Variants in MSL2 observed in about 807,000 individuals in gnomAD.
MSL2 encodes the protein MSL complex subunit 2, also known as E3 ubiquitin-protein ligase MSL2.
In MSL2, 2 loss-of-function variants were observed where a neutral mutation model predicts 35.8. The observed-to-expected ratio is 0.06, with a 90% CI of 0.02 to 0.18. MSL2 has a LOEUF of 0.18. Among genes scored for constraint, MSL2 ranks in the 10% least tolerant of loss-of-function variants. The pLI, the probability that MSL2 is intolerant of heterozygous loss-of-function variation, is 1.00. For synonymous variants in MSL2, 296 were observed against 255.7 expected, an observed-to-expected ratio of 1.16 and a Z score of -1.50; for missense variants, 523 against 706.7, an observed-to-expected ratio of 0.74 and a Z score of 2.95.
At chr3:136,167,635 T>C (rs545960168) in intron 1 of MSL2, among the ~76,000 whole-genome samples, 96 of 152,314 alleles carry the variant, frequency 6.3e-4, no homozygotes, top group South Asian at 1.9e-3. Flanking sequence ...ATGAATATCA[T>C]GAAATGCCAC....
intron 1 of MSL2, among the ~76,000 whole-genome samples, chr3:136,180,414 T>C (rs919308450): frequency 1.3e-5 from 2 of 152,094 alleles, no homozygotes; most frequent in African/African-American, 2.4e-5. Flanking sequence ...CCTGTTCAGA[T>C]ACAGGATGTT....
In MSL2 at chr3:136,195,516, C is replaced by T. The variant is rs1285240422; in HGVS notation, c.-403G>A. ...CGCCTCCTCAAGTCGAGCTGGCAGG[C>T]GCGGGAGCAGGCCCCGGCCCCGTCT... On this transcript the variant is annotated 5_prime_UTR_variant, in exon 1 of 2. Coordinates refer to ENST00000309993, the MANE Select transcript of MSL2 (RefSeq NM_018133.4). 4 of 1,010,504 alleles carry T rather than the reference C, an allele frequency of 4.0e-6. No homozygotes were observed. The African/African-American group carries it at 5.2e-5, about 13-fold the overall frequency. The allele number at this position is 1,010,504 out of a possible 1,614,324, so 62.6% of individuals were successfully genotyped here. A position where few individuals can be genotyped will look rare whatever the true frequency, so the allele number is the denominator to read the frequency against.
intron 1 of MSL2, among the ~76,000 whole-genome samples, chr3:136,179,925 G>A (rs1484792556): frequency 6.6e-5 from 10 of 152,126 alleles, no homozygotes; most frequent in African/African-American, 2.4e-4. Context: ...AACTAGCCAG[G>A]CGTGGTGGCG....
chr3:136,157,788 A>C (rs1939575543), intron 1 of MSL2, among the ~76,000 whole-genome samples: 1 of 152,210 alleles, frequency 6.6e-6, no homozygotes, highest in Non-Finnish European at 1.5e-5. Context: ...AATGACCAAA[A>C]TTCACTGGAG....
At chr3:136,190,344 G>A (rs1940651925) in intron 1 of MSL2, among the ~76,000 whole-genome samples, 1 of 152,112 alleles carries the variant, frequency 6.6e-6, no homozygotes, top group Non-Finnish European at 1.5e-5. Context: ...GGCCAGATGA[G>A]TTCAAGACCA....
At chr3:136,154,381 C>T (rs1354448701) in intron 1 of MSL2, among the ~76,000 whole-genome samples, 1 of 152,070 alleles carries the variant, frequency 6.6e-6, no homozygotes, top group African/African-American at 2.4e-5. Context: ...TTATCAATGA[C>T]ATATACATAC....
rs117922011 is a variant in MSL2 at position 136,194,556 on chromosome 3, G to A, written c.142+416C>T. The A allele has an allele frequency of 1.3e-3, 784 of 601,822 alleles. 10 individuals are homozygous for A. In the East Asian group the frequency reaches 0.049, roughly 38 times the overall value. The allele number at this position is 601,822 out of a possible 1,614,324, so 37.3% of individuals were successfully genotyped here. A position where few individuals can be genotyped will look rare whatever the true frequency, so the allele number is the denominator to read the frequency against. ...ACCACTCCCACGTAACACCAGTTTG[G>A]GGAAATGCAAACACGCCACATGTGC... On this transcript the variant is annotated intron_variant, in intron 1 of 1. Transcript: ENST00000309993.
intron 1 of MSL2, among the ~76,000 whole-genome samples, 192 bp downstream of exon 1, chr3:136,194,780 A>G (rs547628961): frequency 2.6e-5 from 4 of 152,252 alleles, no homozygotes; most frequent in East Asian, 1.9e-4. Context: ...AAGCGGTATG[A>G]AAGGGTTCTC....
Position 136,152,210 on chromosome 3 carries a change from A to G in MSL2, c.671T>C (p.Val224Ala). 6.2e-7 allele frequency: 1 copy of G among 1,614,194 alleles called. No homozygotes were observed. Reference protein sequence around the residue: ...HSNTIDVCNTVDIKTEDLSDS... With the variant: ...HSNTIDVCNTADIKTEDLSDS... ...AGACAGATCCTCAGTTTTTATGTCA[A>G]CAGTATTACATACGTCAATCGTATT... The change falls in exon 2 of 2, where the codon GTT (valine) becomes GCT (alanine). Residue 224 changes from valine to alanine, a missense_variant. By Grantham distance (64) the Val-to-Ala change is moderately conservative (BLOSUM62 0). Coordinates refer to ENST00000309993, the MANE Select transcript of MSL2 (RefSeq NM_018133.4).
Position 136,151,116 on chromosome 3 carries a change from T to A in MSL2, c.*31A>T. 2 of 1,593,656 alleles carry A rather than the reference T, an allele frequency of 1.3e-6. No homozygotes were observed. Among genetic ancestry groups the A allele is most frequent in the Non-Finnish European group, 1.7e-6 (2 of 1,165,452 alleles). ...TGCCGTAAAACTGTAGCTATTTCCC[T>A]ACCAGGAGTAGGTTTAAAAGACCCA... On this transcript the variant is annotated 3_prime_UTR_variant, in exon 2 of 2. Coordinates refer to ENST00000309993, the MANE Select transcript of MSL2 (RefSeq NM_018133.4). This position sits in a 1 kb window ranked among gnomAD's most constrained non-coding sequence, Gnocchi z 5.2.
At chr3:136,158,219 G>A (rs1186912849) in intron 1 of MSL2, among the ~76,000 whole-genome samples, 1 of 151,972 alleles carries the variant, frequency 6.6e-6, no homozygotes, top group African/African-American at 2.4e-5. Context: ...GGCTGAGGCA[G>A]GAGAATCGCT....
At chr3:136,165,207 CAA>C (rs371730438) in intron 1 of MSL2, among the ~76,000 whole-genome samples, 22 of 59,282 alleles carry the variant, frequency 3.7e-4, no homozygotes, top group East Asian at 5.0e-4. Flanking sequence ...AAGTTCGTGA[CAA>C]AAAAAAAAAA....
intron 1 of MSL2, among the ~76,000 whole-genome samples, chr3:136,169,633 A>G (rs1939961169): frequency 6.6e-6 from 1 of 151,992 alleles, no homozygotes; most frequent in African/African-American, 2.4e-5. Flanking sequence ...TATTTTTAGT[A>G]GAGACGGGGT....
At chr3:136,173,256 G>A (rs1168686303) in intron 1 of MSL2, among the ~76,000 whole-genome samples, 1 of 152,120 alleles carries the variant, frequency 6.6e-6, no homozygotes, top group Non-Finnish European at 1.5e-5. Flanking sequence ...TCATAAACTG[G>A]TGACTTCTGA....
chr3:136,194,149 T>G (rs568787631), intron 1 of MSL2, among the ~76,000 whole-genome samples: 1 of 152,372 alleles, frequency 6.6e-6, no homozygotes, highest in South Asian at 2.1e-4. Context: ...CCCTTTCTTT[T>G]GTATTAACGT....
At chr3:136,175,719 C>T (rs1159912150) in intron 1 of MSL2, among the ~76,000 whole-genome samples, 1 of 152,098 alleles carries the variant, frequency 6.6e-6, no homozygotes, top group East Asian at 1.9e-4. Flanking sequence ...GAGATAGGGC[C>T]GGAACAATAA....
rs201156608 is a variant in MSL2, at chr3:136,151,792, G to C, written c.1089C>G (p.Gly363=). ...CAGGAGCAGATGCCCCCAGTGTTGG[G>C]CCTCGGATAATGGTAGAAATTGGAA... ...QPLPISTIIR[G]PTLGASAPVT... Residue 363 remains glycine, a synonymous_variant, in exon 2 of 2, where the codon GGC becomes GGG. Coordinates refer to ENST00000309993, the MANE Select transcript of MSL2 (RefSeq NM_018133.4). This position sits in a 1 kb window ranked among gnomAD's most constrained non-coding sequence, Gnocchi z 5.2. The C allele has an allele frequency of 6.2e-7, 1 of 1,614,158 alleles. No homozygotes were observed. The highest frequency in any genetic ancestry group is 2.2e-5 in the East Asian group (1 of 44,880).
chr3:136,169,398 T>G (rs1172329375), intron 1 of MSL2, among the ~76,000 whole-genome samples: 1 of 152,186 alleles, frequency 6.6e-6, no homozygotes, highest in East Asian at 1.9e-4. Flanking sequence ...CATTTCCTTG[T>G]GTTGGGAACA....
chr3:136,180,052 G>A (rs915465343), intron 1 of MSL2, among the ~76,000 whole-genome samples: 4 of 151,840 alleles, frequency 2.6e-5, no homozygotes, highest in South Asian at 2.1e-4. Flanking sequence ...GCAACAGAGC[G>A]AGACTCCGTC....
Sources: gnomAD v4.1 joint callset for allele counts (sites outside exome capture counted in the v4.1 genomes callset) on GRCh38, gnomAD v4.1.1 for gene constraint, Gnocchi (gnomAD v3.1) non-coding constraint, MANE v1.5 for transcripts, NCBI Gene and HGNC (gene_info 2026-07-23, HGNC 2026-07-21) for gene names.